Variants in GRIK1 observed in about 807,000 individuals in gnomAD.
The protein encoded by GRIK1 is glutamate ionotropic receptor kainate type subunit 1.
A neutral mutation model predicts 105.7 loss-of-function variants in GRIK1; 69 were observed. That is an observed-to-expected ratio of 0.65 (90% confidence interval 0.54 to 0.80). GRIK1 has a LOEUF of 0.80. GRIK1 is among the 30% of genes least tolerant of loss of function. The probability of loss-of-function intolerance (pLI) is 0.00; values close to 1 mark genes in which losing one functional copy is unlikely to be tolerated. For missense variants in GRIK1, 1,109 were observed against 1,167.3 expected (o/e 0.95, Z 0.73); for synonymous variants, 438 against 431.3 (o/e 1.02, Z -0.19).
At chr21:29,658,456 T>C (rs1448615503) in intron 4 of GRIK1, among the ~76,000 whole-genome samples, 3 of 151,898 alleles carry the variant, frequency 2.0e-5, no homozygotes, top group Non-Finnish European at 4.4e-5. Flanking sequence ...AGAGATGGGG[T>C]TTTACCATGT....
At chr21:29,669,919 G>C (rs1315346141) in intron 4 of GRIK1, among the ~76,000 whole-genome samples, 3 of 152,206 alleles carry the variant, frequency 2.0e-5, no homozygotes, top group Non-Finnish European at 1.5e-5. Flanking sequence ...AGGGCAAATG[G>C]AGCAAGTTAA....
chr21:29,618,705 G>C (rs550505823), intron 7 of GRIK1, among the ~76,000 whole-genome samples: 1 of 152,160 alleles, frequency 6.6e-6, no homozygotes, highest in African/African-American at 2.4e-5. Context: ...AATTAATGGC[G>C]TTCACAGCAA....
chr21:29,892,155 G>A (rs1228564613), intron 1 of GRIK1, among the ~76,000 whole-genome samples: 3 of 152,180 alleles, frequency 2.0e-5, no homozygotes, highest in Non-Finnish European at 2.9e-5. Flanking sequence ...GAGTAACCTG[G>A]TGTAAGATGT....
chr21:29,889,577 A>G (rs910402963), intron 1 of GRIK1, among the ~76,000 whole-genome samples: 32 of 151,944 alleles, frequency 2.1e-4, no homozygotes, highest in Non-Finnish European at 2.9e-5. Flanking sequence ...ACAGTATGAT[A>G]TTAAATGACA....
chr21:29,833,521 T>C (rs932706179), intron 1 of GRIK1, among the ~76,000 whole-genome samples: 1 of 152,038 alleles, frequency 6.6e-6, no homozygotes, highest in Admixed American at 6.6e-5. Flanking sequence ...AACCATACAA[T>C]TGTGGTAGAA....
At chr21:29,666,951 C>G (rs1706689338) in intron 4 of GRIK1, among the ~76,000 whole-genome samples, 1 of 152,182 alleles carries the variant, frequency 6.6e-6, no homozygotes, top group Non-Finnish European at 1.5e-5. Context: ...GTTACAAAAT[C>G]TCTCTGGGCT....
At chr21:29,746,544 T>C (rs1256995521) in intron 1 of GRIK1, among the ~76,000 whole-genome samples, 2 of 152,122 alleles carry the variant, frequency 1.3e-5, no homozygotes, top group Admixed American at 6.5e-5. Context: ...CACTAACACA[T>C]GTATTGATAT....
intron 1 of GRIK1, among the ~76,000 whole-genome samples, chr21:29,725,403 T>C (rs765223678): frequency 6.6e-6 from 1 of 152,216 alleles, no homozygotes; most frequent in Non-Finnish European, 1.5e-5. Context: ...ATCACTAGGA[T>C]GATCTTTCTC....
At chr21:29,623,631 C>A (rs1042404851) in intron 7 of GRIK1, among the ~76,000 whole-genome samples, 3 of 152,100 alleles carry the variant, frequency 2.0e-5, no homozygotes, top group Non-Finnish European at 4.4e-5. Context: ...CTTAAAAATA[C>A]CCTTATTTCA....
intron 1 of GRIK1, among the ~76,000 whole-genome samples, chr21:29,898,985 T>A (rs903393977): frequency 1.4e-5 from 2 of 141,628 alleles, no homozygotes; most frequent in African/African-American, 5.4e-5. Context: ...AAAAAAAAAA[T>A]TGTGAAAACA....
At chr21:29,701,722 G>T (rs2063816164) in intron 1 of GRIK1, among the ~76,000 whole-genome samples, 1 of 152,198 alleles carries the variant, frequency 6.6e-6, no homozygotes, top group South Asian at 2.1e-4. Flanking sequence ...CCTTGGAGAT[G>T]TTGCAATAAC....
At chr21:29,600,111 C>T (rs533673379) in intron 7 of GRIK1, among the ~76,000 whole-genome samples, 1 of 152,158 alleles carries the variant, frequency 6.6e-6, no homozygotes. Flanking sequence ...AAAAAAACTC[C>T]TTCTGCTTCT....
At chr21:29,576,336 A>G (rs966426252) in intron 14 of GRIK1, among the ~76,000 whole-genome samples, 1 of 152,156 alleles carries the variant, frequency 6.6e-6, no homozygotes, top group Non-Finnish European at 1.5e-5. Flanking sequence ...TGACACTAAA[A>G]CTAAACTCAT....
intron 1 of GRIK1, among the ~76,000 whole-genome samples, chr21:29,911,475 T>G (rs954977362): frequency 1.6e-4 from 24 of 152,090 alleles, no homozygotes; most frequent in African/African-American, 2.4e-4. Flanking sequence ...AACTATGTTA[T>G]TGAGATAATT....
chr21:29,630,771 T>TTTTTG (rs201600356), intron 7 of GRIK1: 15 of 353,326 alleles, frequency 4.2e-5, no homozygotes, highest in African/African-American at 1.1e-4. Flanking sequence ...TGTGTGTGTG[T>TTTTTG]TTTTGTTTTG....
chr21:29,643,217 A>G (rs1204128285), intron 6 of GRIK1, among the ~76,000 whole-genome samples: 1 of 152,188 alleles, frequency 6.6e-6, no homozygotes, highest in Non-Finnish European at 1.5e-5. Context: ...AGCAACCCAG[A>G]TCAGCCACAA....
At chr21:29,735,364 A>T (rs1459751491) in intron 1 of GRIK1, among the ~76,000 whole-genome samples, 1 of 152,232 alleles carries the variant, frequency 6.6e-6, no homozygotes, top group Non-Finnish European at 1.5e-5. Context: ...GGCTGTGTTC[A>T]TTCAGAGGGG....
rs755063555 is a variant in GRIK1 at position 29,654,801 on chromosome 21, T to G, written c.780+9A>C. On this transcript the variant is annotated intron_variant, in intron 5 of 17. Coordinates refer to ENST00000327783, the MANE Select transcript of GRIK1 (RefSeq NM_001330994.2). ...CCATGTGGAATACATTTCTCCCAGA[T>G]GCACTTACCAGGGTTGTGAAAAAGT... The G allele has an allele frequency of 6.7e-7, 1 of 1,493,072 alleles. No individual in the cohort carries two copies. The highest frequency in any genetic ancestry group is 9.4e-7 in the Non-Finnish European group (1 of 1,069,300). The allele number at this position is 1,493,072 out of a possible 1,614,324, so 92.5% of individuals were successfully genotyped here. A position where few individuals can be genotyped will look rare whatever the true frequency, so the allele number is the denominator to read the frequency against.
chr21:29,747,722 G>A (rs1321780021), intron 1 of GRIK1, among the ~76,000 whole-genome samples: 9 of 152,110 alleles, frequency 5.9e-5, no homozygotes, highest in African/African-American at 1.9e-4. Flanking sequence ...CCAGCTACTC[G>A]GGAGGCTGAG....
Sources: allele counts gnomAD v4.1 joint callset (sites outside exome capture counted in the v4.1 genomes callset), GRCh38; gene constraint gnomAD v4.1.1; transcripts MANE v1.5; gene names NCBI Gene and HGNC (gene_info 2026-07-23, HGNC 2026-07-21).